SHLD1: variants seen among roughly 807,000 people sequenced by gnomAD.
SHLD1 encodes RINN1-REV7-interacting novel NHEJ regulator 3.
SHLD1 carries 3 observed loss-of-function variants against 5.5 expected under a neutral mutation model. The ratio of observed to expected loss-of-function variants is 0.54; its 90% CI spans 0.25 to 1.40. The LOEUF (loss-of-function observed/expected upper bound fraction) is 1.40, where lower values mean the gene tolerates loss of function less well. Among genes scored for constraint, SHLD1 ranks in the 40% most tolerant of loss-of-function variants. The probability of loss-of-function intolerance (pLI) is 0.15; values close to 1 mark genes in which losing one functional copy is unlikely to be tolerated. For missense variants in SHLD1, 210 were observed against 244.4 expected, an observed-to-expected ratio of 0.86 and a Z score of 0.94; for synonymous variants, 92 against 94.3, an observed-to-expected ratio of 0.98 and a Z score of 0.14.
At chr20:5,859,035 A>G (rs1038410997) in intron 2 of SHLD1, among the ~76,000 whole-genome samples, 3 of 152,210 alleles carry the variant, frequency 2.0e-5, no homozygotes, top group Non-Finnish European at 2.9e-5. Context: ...TACCAGAATC[A>G]CTGGGACCAG....
At chr20:5,784,500 G>T (rs538384058) in intron 2 of SHLD1, among the ~76,000 whole-genome samples, 4 of 151,672 alleles carry the variant, frequency 2.6e-5, no homozygotes, top group Middle Eastern at 3.4e-3. Context: ...GTCCAGGCTG[G>T]AGTGCAGTGG....
chr20:5,850,993 CA>C (rs1001551505), intron 2 of SHLD1, among the ~76,000 whole-genome samples: 3 of 152,136 alleles, frequency 2.0e-5, no homozygotes, highest in African/African-American at 7.2e-5. Flanking sequence ...GAGTGGTCTC[CA>C]GGGGCAGCTG....
chr20:5,784,676 G>A (rs375273866), intron 2 of SHLD1, among the ~76,000 whole-genome samples: 2 of 151,778 alleles, frequency 1.3e-5, no homozygotes, highest in East Asian at 1.9e-4. Flanking sequence ...GGTCTCGATC[G>A]CCTGACCTTG....
At chr20:5,832,369 G>C (rs939952143) in intron 2 of SHLD1, among the ~76,000 whole-genome samples, 3 of 152,224 alleles carry the variant, frequency 2.0e-5, no homozygotes, top group Non-Finnish European at 4.4e-5. Flanking sequence ...AAATACAAAG[G>C]TGTAACTTGG....
chr20:5,841,119 T>C (rs1014610966), intron 2 of SHLD1, among the ~76,000 whole-genome samples: 5 of 152,140 alleles, frequency 3.3e-5, no homozygotes, highest in African/African-American at 1.2e-4. Context: ...TAGGAATCTT[T>C]TTGAAAAAAC....
At chr20:5,764,004 G>A (rs1037303184) in intron 1 of SHLD1, among the ~76,000 whole-genome samples, 3 of 144,844 alleles carry the variant, frequency 2.1e-5, no homozygotes, top group African/African-American at 7.6e-5. Flanking sequence ...ACATGCACCT[G>A]TAATCCCAGC....
intron 2 of SHLD1, among the ~76,000 whole-genome samples, chr20:5,795,768 T>A (rs1354333889): frequency 6.6e-6 from 1 of 151,556 alleles, no homozygotes; most frequent in Non-Finnish European, 1.5e-5. Flanking sequence ...GATCACGAGG[T>A]CAGGAGATCG....
chr20:5,758,849 A>G (rs1984288800), intron 1 of SHLD1, among the ~76,000 whole-genome samples: 2 of 151,626 alleles, frequency 1.3e-5, no homozygotes, highest in Admixed American at 6.6e-5. Flanking sequence ...AAATGAGCCA[A>G]TTGTGGGGTC....
intron 2 of SHLD1, among the ~76,000 whole-genome samples, chr20:5,832,351 T>C (rs1389287776): frequency 3.9e-5 from 6 of 152,244 alleles, no homozygotes; most frequent in African/African-American, 1.4e-4. Context: ...TTTGATTTTC[T>C]TTACTCCAAA....
At chr20:5,783,977 C>T (rs113388894) in intron 2 of SHLD1, among the ~76,000 whole-genome samples, 2,191 of 152,130 alleles carry the variant, frequency 0.014, 39 homozygotes, top group African/African-American at 0.05. Context: ...CATGGCAAAA[C>T]GCCGTCTCTA....
chr20:5,800,663 G>A (rs368775975), intron 2 of SHLD1, among the ~76,000 whole-genome samples: 19 of 148,754 alleles, frequency 1.3e-4, no homozygotes, highest in African/African-American at 4.2e-4. Context: ...ACCCCAGCCT[G>A]GGCAACAGAC....
intron 1 of SHLD1, among the ~76,000 whole-genome samples, chr20:5,769,833 G>A (rs1015265758): frequency 3.9e-5 from 6 of 151,962 alleles, no homozygotes; most frequent in Middle Eastern, 3.4e-3. Context: ...GCAAAACTCC[G>A]TCTCTACTAA....
At chr20:5,785,134 C>G (rs548159869) in intron 2 of SHLD1, among the ~76,000 whole-genome samples, 1 of 152,178 alleles carries the variant, frequency 6.6e-6, no homozygotes, top group East Asian at 1.9e-4. Flanking sequence ...GGCCATAAGA[C>G]CCCCATTTCA....
intron 1 of SHLD1, among the ~76,000 whole-genome samples, chr20:5,755,235 C>T (rs1037517267): frequency 1.4e-4 from 21 of 152,130 alleles, no homozygotes; most frequent in Non-Finnish European, 2.2e-4. Flanking sequence ...CAGGGATCCT[C>T]AATCCCCGGG....
chr20:5,758,796 G>C (rs561337926), intron 1 of SHLD1, among the ~76,000 whole-genome samples: 1 of 152,124 alleles, frequency 6.6e-6, no homozygotes, highest in East Asian at 1.9e-4. Flanking sequence ...GCTTTGGGAA[G>C]GTCATCCTGA....
intron 2 of SHLD1, among the ~76,000 whole-genome samples, chr20:5,839,486 A>AAGAAAGATAGAT (rs5840108): frequency 6.7e-6 from 1 of 149,892 alleles, no homozygotes; most frequent in Admixed American, 6.7e-5. Context: ...ATTAGATAGA[A>AAGAAAGATAGAT]AGATAGATAG....
At chr20:5,817,829 G>T (rs1600152031) in intron 2 of SHLD1, among the ~76,000 whole-genome samples, 1 of 152,194 alleles carries the variant, frequency 6.6e-6, no homozygotes, top group East Asian at 1.9e-4. Context: ...CCAGGCACCT[G>T]AAACTGATCT....
chr20:5,812,070 TTTTTTTTTTC>T (rs917401967), intron 2 of SHLD1, among the ~76,000 whole-genome samples: 18 of 146,184 alleles, frequency 1.2e-4, no homozygotes, highest in East Asian at 3.9e-4. Context: ...TTTCTTTTTC[TTTTTTTTTTC>T]TTTTTTTTTC....
chr20:5,789,114 AGAGT>A (rs1464384769), intron 2 of SHLD1, among the ~76,000 whole-genome samples: 2 of 151,304 alleles, frequency 1.3e-5, no homozygotes, highest in South Asian at 2.1e-4. Flanking sequence ...GGAGACAGAG[AGAGT>A]GAGACTGTCT....
Sources: gnomAD v4.1 joint callset for allele counts (sites outside exome capture counted in the v4.1 genomes callset) on GRCh38, gnomAD v4.1.1 for gene constraint, MANE v1.5 for transcripts, NCBI Gene and HGNC (gene_info 2026-07-23, HGNC 2026-07-21) for gene names.